TSPAN5: variants seen among roughly 807,000 people sequenced by gnomAD.
TSPAN5 encodes the protein tetraspanin-5.
A neutral mutation model predicts 37.1 loss-of-function variants in TSPAN5; 10 were observed. The observed-to-expected ratio is 0.27, with a 90% CI of 0.17 to 0.46. The LOEUF (loss-of-function observed/expected upper bound fraction) is 0.46. Ranked by LOEUF, TSPAN5 falls within the 20% of genes least tolerant of loss-of-function variation. The probability of loss-of-function intolerance (pLI) is 1.00; values close to 1 mark genes in which losing one functional copy is unlikely to be tolerated. For missense variants in TSPAN5, 195 were observed against 326.6 expected, an observed-to-expected ratio of 0.60 and a Z score of 3.11; for synonymous variants, 110 against 118.9, an observed-to-expected ratio of 0.93 and a Z score of 0.48.
At chr4:98,531,996 C>G (rs888943802) in intron 1 of TSPAN5, among the ~76,000 whole-genome samples, 3 of 152,170 alleles carry the variant, frequency 2.0e-5, no homozygotes, top group African/African-American at 7.2e-5. Context: ...AATTTTCTCC[C>G]ACCTTGTAGG....
At chr4:98,647,975 C>T (rs990011292) in intron 1 of TSPAN5, among the ~76,000 whole-genome samples, 2 of 151,806 alleles carry the variant, frequency 1.3e-5, no homozygotes, top group Non-Finnish European at 2.9e-5. Flanking sequence ...GGAACCCAGC[C>T]GTAATCAAAG....
intron 1 of TSPAN5, among the ~76,000 whole-genome samples, chr4:98,628,033 A>G (rs1182593746): frequency 6.6e-6 from 1 of 152,236 alleles, no homozygotes; most frequent in African/African-American, 2.4e-5. Flanking sequence ...GTCAAATTCC[A>G]TTACAACAAA....
At chr4:98,610,403 T>C (rs1370187067) in intron 1 of TSPAN5, among the ~76,000 whole-genome samples, 2 of 152,186 alleles carry the variant, frequency 1.3e-5, no homozygotes, top group Admixed American at 6.5e-5. Flanking sequence ...ATTCAAACCA[T>C]AGTAGAGCTC....
At chr4:98,502,273 T>C (rs1208385451) in intron 2 of TSPAN5, among the ~76,000 whole-genome samples, 1 of 152,156 alleles carries the variant, frequency 6.6e-6, no homozygotes, top group Non-Finnish European at 1.5e-5. Flanking sequence ...AGCAAAAATA[T>C]TCATTTGGAA....
intron 1 of TSPAN5, among the ~76,000 whole-genome samples, chr4:98,536,888 G>A (rs1754248272): frequency 6.6e-6 from 1 of 152,206 alleles, no homozygotes; most frequent in African/African-American, 2.4e-5. Context: ...CTGCTGCCGT[G>A]CTGGCAGCGA....
At chr4:98,549,051 C>G (rs1754540113) in intron 1 of TSPAN5, among the ~76,000 whole-genome samples, 8 of 152,112 alleles carry the variant, frequency 5.3e-5, no homozygotes, top group Admixed American at 5.2e-4. Flanking sequence ...AATTCCTTTT[C>G]CTTTGGTTAG....
intron 1 of TSPAN5, among the ~76,000 whole-genome samples, chr4:98,637,505 T>C (rs565100831): frequency 6.6e-6 from 1 of 152,322 alleles, no homozygotes; most frequent in Admixed American, 6.5e-5. Flanking sequence ...GTCATTAATA[T>C]TCATTTTGCA....
intron 1 of TSPAN5, among the ~76,000 whole-genome samples, chr4:98,620,669 C>A (rs924451764): frequency 2.0e-5 from 3 of 152,166 alleles, no homozygotes; most frequent in African/African-American, 7.2e-5. Flanking sequence ...GAAAAGACCT[C>A]CATTAATGGA....
At chr4:98,505,416 C>A (rs188059705) in intron 2 of TSPAN5, among the ~76,000 whole-genome samples, 96 of 152,252 alleles carry the variant, frequency 6.3e-4, no homozygotes, top group African/African-American at 2.2e-3. Flanking sequence ...CTGGAGTCAC[C>A]AAAGTCCCTG....
intron 1 of TSPAN5, among the ~76,000 whole-genome samples, chr4:98,527,817 T>C (rs1265102113): frequency 6.6e-6 from 1 of 152,142 alleles, no homozygotes; most frequent in Non-Finnish European, 1.5e-5. Context: ...TGAGAGAACA[T>C]GCCAACAGTC....
intron 5 of TSPAN5, among the ~76,000 whole-genome samples, chr4:98,476,982 GA>G (rs1752716947): frequency 6.6e-6 from 1 of 152,352 alleles, no homozygotes; most frequent in African/African-American, 2.4e-5. Context: ...GGTCTGATCA[GA>G]AACATGGTTC....
chr4:98,516,106 C>T (rs898200327), intron 1 of TSPAN5, among the ~76,000 whole-genome samples: 1 of 152,098 alleles, frequency 6.6e-6, no homozygotes, highest in African/African-American at 2.4e-5. Flanking sequence ...AAATGATAAC[C>T]AATATTAATC....
intron 1 of TSPAN5, among the ~76,000 whole-genome samples, chr4:98,588,031 T>C (rs1478862818): frequency 6.6e-6 from 1 of 152,182 alleles, no homozygotes; most frequent in East Asian, 1.9e-4. Flanking sequence ...TCCTTTCACT[T>C]TGAGTTCCTA....
chr4:98,598,178 C>T (rs1397465801), intron 1 of TSPAN5, among the ~76,000 whole-genome samples: 2 of 138,582 alleles, frequency 1.4e-5, no homozygotes, highest in African/African-American at 3.0e-5. Context: ...GCGCAATATT[C>T]GGGTGGGAGT....
intron 1 of TSPAN5, among the ~76,000 whole-genome samples, chr4:98,643,191 C>T (rs902683587): frequency 1.3e-5 from 2 of 152,098 alleles, no homozygotes; most frequent in African/African-American, 4.8e-5. Context: ...TGTTTAGATA[C>T]ACAAATACCA....
chr4:98,605,895 C>T (rs17027844), intron 1 of TSPAN5, among the ~76,000 whole-genome samples: 5,733 of 152,290 alleles, frequency 0.038, 324 homozygotes, highest in African/African-American at 0.12. Flanking sequence ...GTGGACTTCA[C>T]GGAGTTGTCC....
intron 2 of TSPAN5, among the ~76,000 whole-genome samples, chr4:98,504,920 GT>G (rs1753440305): frequency 6.6e-6 from 1 of 152,158 alleles, no homozygotes; most frequent in African/African-American, 2.4e-5. Context: ...ATGCTGGGAA[GT>G]CCATGATCAA....
chr4:98,555,012 G>A (rs569068779), intron 1 of TSPAN5, among the ~76,000 whole-genome samples: 1 of 152,288 alleles, frequency 6.6e-6, no homozygotes, highest in African/African-American at 2.4e-5. Flanking sequence ...GGTAATAGAA[G>A]AAATAGCCTG....
At chr4:98,602,929 T>C (rs961166149) in intron 1 of TSPAN5, among the ~76,000 whole-genome samples, 22 of 152,270 alleles carry the variant, frequency 1.4e-4, no homozygotes, top group African/African-American at 5.1e-4. Context: ...AATGAAAAAG[T>C]TTGGAATATG....
Sources: gnomAD v4.1 joint callset for allele counts (sites outside exome capture counted in the v4.1 genomes callset) on GRCh38, gnomAD v4.1.1 for gene constraint, MANE v1.5 for transcripts, NCBI Gene and HGNC (gene_info 2026-07-23, HGNC 2026-07-21) for gene names.